FSIP1: variants seen among roughly 807,000 people sequenced by gnomAD.
FSIP1 encodes the protein fibrous sheath-interacting protein 1.
Under a neutral mutation model 60.9 loss-of-function variants are expected in FSIP1, and 65 were observed. The observed-to-expected ratio is 1.07, with a 90% confidence interval of 0.87 to 1.31. FSIP1 has a LOEUF of 1.31. Among genes scored for constraint, FSIP1 ranks in the 40% most tolerant of loss-of-function variants. The pLI, the probability that FSIP1 is intolerant of heterozygous loss-of-function variation, is 0.00. For synonymous variants in FSIP1, 209 were observed against 221.2 expected (o/e 0.94, Z 0.49); for missense variants, 675 against 665.5 (o/e 1.01, Z -0.16).
At chr15:39,620,251 A>T (rs2140384831) in intron 10 of FSIP1, among the ~76,000 whole-genome samples, 1 of 152,334 alleles carries the variant, frequency 6.6e-6, no homozygotes. Flanking sequence ...AATACTGATG[A>T]CTAAGGTAAG....
At chr15:39,781,970 T>C (rs1380277372) in intron 1 of FSIP1, among the ~76,000 whole-genome samples, 1 of 152,260 alleles carries the variant, frequency 6.6e-6, no homozygotes, top group Non-Finnish European at 1.5e-5. Context: ...AAGTAAGTTA[T>C]ACCTCAATTT....
At chr15:39,711,441 G>A (rs1473893645) in intron 10 of FSIP1, among the ~76,000 whole-genome samples, 1 of 152,074 alleles carries the variant, frequency 6.6e-6, no homozygotes, top group Non-Finnish European at 1.5e-5. Context: ...CAGGGATTCT[G>A]AGGGGTCACA....
Position 39,617,818 on chromosome 15 carries a change from T to A in FSIP1, c.1616A>T (p.Asp539Val). The A allele has an allele frequency of 6.2e-7, 1 of 1,614,092 alleles. No homozygotes were observed. The highest frequency in any genetic ancestry group is 1.1e-5 in the South Asian group (1 of 91,086). ...IGRLKRPSFL[D>V]DPLYGISVSL... The stretch of plus-strand genomic sequence containing the variant: ...CACACTGATACCATACAGTGGATCA[T>A]CTAAGAAGGAGGGCCTTTTCAGTCT... Residue 539 changes from aspartate (D) to valine (V), a missense_variant, in exon 11 of 12, where the codon GAT (aspartate) becomes GTT (valine). Asp to Val is a radical substitution (Grantham distance 152). Transcript: ENST00000350221.
chr15:39,676,009 CAAAA>C (rs10706666), intron 10 of FSIP1, among the ~76,000 whole-genome samples: 2 of 145,568 alleles, frequency 1.4e-5, no homozygotes, highest in Non-Finnish European at 1.5e-5. Flanking sequence ...ACTAAAAATA[CAAAA>C]AAAAAAAAAA....
chr15:39,601,002 A>G, intron 11 of FSIP1, 76 bp from the exon 12 acceptor site: 2 of 1,155,088 alleles, frequency 1.7e-6, no homozygotes, highest in Non-Finnish European at 2.5e-6. Context: ...AACTCAGCCT[A>G]TAAAATATTA....
intron 1 of FSIP1, among the ~76,000 whole-genome samples, chr15:39,782,276 A>G (rs1016959685): frequency 1.3e-5 from 2 of 152,156 alleles, no homozygotes; most frequent in Non-Finnish European, 2.9e-5. Flanking sequence ...TGCTGTTTGC[A>G]TCTTTTTATT....
rs116208319 is a variant in FSIP1 at position 39,716,749 on chromosome 15, G to T, written c.1051-3168C>A. On this transcript the variant is annotated intron_variant, in intron 9 of 11. Transcript: ENST00000350221. ...TGTTGGAAATGTGTGAAACAACAGG[G>T]ACTCTCTTACATTGTTTGCAGGACT... Among the ~76,000 whole-genome samples the T allele has an allele frequency of 8.0e-3, 1,205 of 151,414 alleles. 23 individuals carry two copies. Among genetic ancestry groups the T allele is most frequent in the African/African-American group, 0.028 (1,145 of 41,268 alleles).
rs150154885 is a variant in FSIP1 at position 39,703,262 on chromosome 15, G to A, written c.1188+10182C>T. Among the ~76,000 whole-genome samples, 401 of 152,234 alleles carry A rather than the reference G, an allele frequency of 2.6e-3. 1 individual carries two copies. The highest frequency in any genetic ancestry group is 2.5e-3 in the Non-Finnish European group (171 of 68,024). On this transcript the variant is annotated intron_variant, in intron 10 of 11. Coordinates refer to ENST00000350221, the MANE Select transcript of FSIP1 (RefSeq NM_152597.5). The stretch of plus-strand genomic sequence containing the variant: ...CTCCCAAAGTGCTGGGATTACAGGC[G>A]TGAGCCACCGTGCCCAGCTCATAAT...
At chr15:39,670,374 C>T (rs1049359712) in intron 10 of FSIP1, among the ~76,000 whole-genome samples, 9 of 152,300 alleles carry the variant, frequency 5.9e-5, no homozygotes, top group African/African-American at 1.9e-4. Flanking sequence ...AAGATCCCTA[C>T]ACTTAAGAAA....
chr15:39,728,080 G>A (rs1046654449), intron 8 of FSIP1, among the ~76,000 whole-genome samples: 1 of 152,090 alleles, frequency 6.6e-6, no homozygotes, highest in African/African-American at 2.4e-5. Context: ...AGCTAACCAG[G>A]GAGGTGAAAG....
chr15:39,644,164 G>A (rs7179608), intron 10 of FSIP1, among the ~76,000 whole-genome samples: 1 of 151,920 alleles, frequency 6.6e-6, no homozygotes, highest in Non-Finnish European at 1.5e-5. Flanking sequence ...TTCGCCTATA[G>A]GCTCGATCCT....
At chr15:39,646,864 C>T (rs1402746735) in intron 10 of FSIP1, among the ~76,000 whole-genome samples, 1 of 152,074 alleles carries the variant, frequency 6.6e-6, no homozygotes, top group African/African-American at 2.4e-5. Context: ...CTGTGATATA[C>T]ACACATACAG....
In FSIP1 at chr15:39,741,829, T is replaced by C. The variant is rs1896812075; in HGVS notation, c.631A>G (p.Met211Val). Residue 211 changes from methionine (M) to valine (V), a missense_variant, in exon 6 of 12, where the codon ATG becomes GTG. Physicochemically the swap from Met to Val is conservative, Grantham distance 21. Transcript: ENST00000350221. ...HTQIPPEEYE[M>V]QMQKLNKDFT... ...CCTTTATTGAGTTTCTGCATCTGCA[T>C]TTCATATTCTTCTGGAGGGATTTGA... 6.3e-7 allele frequency: 1 copy of C among 1,596,882 alleles called. No individual in the cohort carries two copies.
chr15:39,720,856 C>T (rs567012694), intron 9 of FSIP1, among the ~76,000 whole-genome samples: 1 of 152,252 alleles, frequency 6.6e-6, no homozygotes, highest in Admixed American at 6.5e-5. Context: ...GAAAAAATTG[C>T]TTCAATTAGT....
intron 10 of FSIP1, among the ~76,000 whole-genome samples, chr15:39,704,739 T>A (rs1016350955): frequency 6.6e-6 from 1 of 152,240 alleles, no homozygotes; most frequent in African/African-American, 2.4e-5. Context: ...CACCCCATTC[T>A]CTAAGCAGAA....
At chr15:39,759,109 A>G (rs1897399792) in intron 5 of FSIP1, among the ~76,000 whole-genome samples, 2 of 152,078 alleles carry the variant, frequency 1.3e-5, no homozygotes, top group Admixed American at 1.3e-4. Context: ...CAATCTTGAG[A>G]CATAAAAGGC....
At chr15:39,626,585 G>A (rs1036591263) in intron 10 of FSIP1, among the ~76,000 whole-genome samples, 11 of 152,124 alleles carry the variant, frequency 7.2e-5, no homozygotes, top group African/African-American at 2.7e-4. Flanking sequence ...GGAACACAGG[G>A]GTGGTTTCCC....
intron 2 of FSIP1, among the ~76,000 whole-genome samples, chr15:39,771,389 G>T (rs1364245496): frequency 6.6e-6 from 1 of 152,192 alleles, no homozygotes; most frequent in African/African-American, 2.4e-5. Context: ...TCAGCCCTCT[G>T]TAGGTTTTGT....
At chr15:39,772,520 C>T (rs1452945480) in intron 2 of FSIP1, among the ~76,000 whole-genome samples, 1 of 152,020 alleles carries the variant, frequency 6.6e-6, no homozygotes, top group Non-Finnish European at 1.5e-5. Context: ...GTCTCAAACT[C>T]CTGGGCTCAA....
Sources: gnomAD v4.1 joint callset for allele counts (sites outside exome capture counted in the v4.1 genomes callset) on GRCh38, gnomAD v4.1.1 for gene constraint, MANE v1.5 for transcripts, NCBI Gene and HGNC (gene_info 2026-07-23, HGNC 2026-07-21) for gene names.